CSTPP1: variants seen among roughly 807,000 people sequenced by gnomAD.
CSTPP1 encodes the protein UPF0705 protein C11orf49.
chr11:47,155,065 C>A, the CSTPP1 span: 2 of 887,692 alleles, frequency 2.3e-6, no homozygotes, highest in Non-Finnish European at 1.9e-6. Context: ...CCAGGAACAG[C>A]TCTCTCTCTC....
chr11:46,964,739 T>C, the CSTPP1 span, among the ~76,000 whole-genome samples: 4 of 152,334 alleles, frequency 2.6e-5, no homozygotes, highest in African/African-American at 9.6e-5. Flanking sequence ...TATCAAATTG[T>C]TACTGAAACT....
At chr11:46,940,101 G>A in the CSTPP1 span, among the ~76,000 whole-genome samples, 1 of 152,106 alleles carries the variant, frequency 6.6e-6, no homozygotes, top group African/African-American at 2.4e-5. Flanking sequence ...TGAACTTCCT[G>A]AGCTCAAGCG....
the CSTPP1 span, among the ~76,000 whole-genome samples, chr11:47,022,810 C>T: frequency 6.6e-6 from 1 of 152,130 alleles, no homozygotes; most frequent in Non-Finnish European, 1.5e-5. Flanking sequence ...ATAAGATAGT[C>T]CCCGAATGTG....
At chr11:47,120,333 A>C in the CSTPP1 span, among the ~76,000 whole-genome samples, 3 of 152,246 alleles carry the variant, frequency 2.0e-5, no homozygotes, top group Non-Finnish European at 4.4e-5. The surrounding 1 kb of genome is among the most constrained non-coding windows in gnomAD (Gnocchi z 4.2). Context: ...CCTACCCTCA[A>C]GACTTGGTCT....
chr11:47,080,471 A>G, the CSTPP1 span, among the ~76,000 whole-genome samples: 1 of 152,110 alleles, frequency 6.6e-6, no homozygotes, highest in Non-Finnish European at 1.5e-5. Context: ...TAATAATTTC[A>G]CTATTTACTC....
chr11:47,035,893 C>T, the CSTPP1 span, among the ~76,000 whole-genome samples: 1 of 150,744 alleles, frequency 6.6e-6, no homozygotes, highest in African/African-American at 2.4e-5. Context: ...TAGACCCACA[C>T]AGTTCAAATC....
At chr11:46,956,902 G>A in the CSTPP1 span, among the ~76,000 whole-genome samples, 22 of 150,360 alleles carry the variant, frequency 1.5e-4, no homozygotes, top group Admixed American at 2.7e-4. Flanking sequence ...ATGTATGCAC[G>A]TATACATAGT....
chr11:47,024,967 T>C, the CSTPP1 span, among the ~76,000 whole-genome samples: 2 of 152,320 alleles, frequency 1.3e-5, no homozygotes, highest in African/African-American at 4.8e-5. Context: ...GAAGGGAGTT[T>C]TAAAAAGGTA....
chr11:47,054,842 G>A, the CSTPP1 span, among the ~76,000 whole-genome samples: 10 of 151,686 alleles, frequency 6.6e-5, no homozygotes, highest in South Asian at 2.1e-4. Flanking sequence ...AGAGAAGACC[G>A]TGGTAATTTC....
chr11:47,030,851 C>G, the CSTPP1 span, among the ~76,000 whole-genome samples: 1 of 152,190 alleles, frequency 6.6e-6, no homozygotes, highest in Non-Finnish European at 1.5e-5. Context: ...AGGACATGAT[C>G]TCATTCTTTT....
At chr11:47,076,062 C>T in the CSTPP1 span, among the ~76,000 whole-genome samples, 19 of 152,024 alleles carry the variant, frequency 1.2e-4, no homozygotes, top group South Asian at 2.9e-3. Context: ...ATCCCTCCCC[C>T]AACTTCAAGC....
At chr11:47,158,586 G>C in the CSTPP1 span, among the ~76,000 whole-genome samples, 7 of 152,148 alleles carry the variant, frequency 4.6e-5, no homozygotes, top group Non-Finnish European at 8.8e-5. Flanking sequence ...GCCCAGGCTG[G>C]AGTGCTGTGT....
the CSTPP1 span, among the ~76,000 whole-genome samples, chr11:46,952,262 G>T: frequency 6.6e-6 from 1 of 152,210 alleles, no homozygotes; most frequent in Non-Finnish European, 1.5e-5. Flanking sequence ...TGCCTCAATT[G>T]TAGCCATTTT....
the CSTPP1 span, among the ~76,000 whole-genome samples, chr11:46,996,597 A>C: frequency 2.0e-5 from 3 of 152,090 alleles, no homozygotes; most frequent in Non-Finnish European, 4.4e-5. Context: ...TGTGAATTTG[A>C]TCCTGTCATT....
At chr11:47,044,339 T>C in the CSTPP1 span, among the ~76,000 whole-genome samples, 4 of 152,070 alleles carry the variant, frequency 2.6e-5, no homozygotes, top group Admixed American at 6.5e-5. Context: ...TTGTTTTTTG[T>C]TGTTGTTGTT....
At chr11:46,949,396 T>C in the CSTPP1 span, among the ~76,000 whole-genome samples, 5 of 152,194 alleles carry the variant, frequency 3.3e-5, no homozygotes, top group Admixed American at 6.6e-5. Context: ...GAATAGTGAA[T>C]GTACAGGCAA....
the CSTPP1 span, among the ~76,000 whole-genome samples, chr11:47,113,983 C>T: frequency 2.6e-5 from 4 of 152,080 alleles, no homozygotes; most frequent in Non-Finnish European, 4.4e-5. Context: ...GGTTTTAGGT[C>T]GAACATTTAA....
the CSTPP1 span, among the ~76,000 whole-genome samples, chr11:47,111,209 A>C: frequency 0.081 from 12,329 of 152,178 alleles, 509 homozygotes; most frequent in Non-Finnish European, 0.09. Flanking sequence ...TCCTTCACCC[A>C]AACGAGAATT....
At chr11:46,958,291 C>G in the CSTPP1 span, among the ~76,000 whole-genome samples, 2 of 151,534 alleles carry the variant, frequency 1.3e-5, no homozygotes, top group Non-Finnish European at 2.9e-5. Context: ...TGAGCCACCA[C>G]GCCTGGCCCC....
Sources: allele counts gnomAD v4.1 joint callset (sites outside exome capture counted in the v4.1 genomes callset), GRCh38; gene constraint gnomAD v4.1.1; non-coding constraint Gnocchi (gnomAD v3.1); transcripts MANE v1.5; gene names NCBI Gene and HGNC (gene_info 2026-07-23, HGNC 2026-07-21).